Variants in EXOC6B observed in about 807,000 individuals in gnomAD.
EXOC6B encodes the protein SEC15 homolog B.
A neutral mutation model predicts 113.5 loss-of-function variants in EXOC6B; 54 were observed. The observed-to-expected ratio is 0.48, with a 90% CI of 0.38 to 0.60. The LOEUF is 0.60. EXOC6B is among the 20% of genes least tolerant of loss of function. EXOC6B has a pLI of 0.00. For missense variants in EXOC6B, 797 were observed against 977.5 expected, an observed-to-expected ratio of 0.82 and a Z score of 2.46; for synonymous variants, 357 against 339.0, an observed-to-expected ratio of 1.05 and a Z score of -0.58.
intron 20 of EXOC6B, among the ~76,000 whole-genome samples, chr2:72,319,187 T>C (rs189030781): frequency 6.6e-6 from 1 of 151,978 alleles, no homozygotes; most frequent in East Asian, 1.9e-4. Flanking sequence ...TAAATGATGG[T>C]CTGTAAAACT....
chr2:72,185,740 CT>C (rs60868469), intron 20 of EXOC6B, among the ~76,000 whole-genome samples: 236 of 143,634 alleles, frequency 1.6e-3, no homozygotes, highest in East Asian at 4.1e-3. Context: ...GTATTTCTTT[CT>C]TTTTTTTTTT....
intron 19 of EXOC6B, among the ~76,000 whole-genome samples, chr2:72,354,038 A>C (rs1311137264): frequency 6.6e-6 from 1 of 152,214 alleles, no homozygotes; most frequent in Non-Finnish European, 1.5e-5. Context: ...CCTTTTCAAA[A>C]CCATGTATCA....
At chr2:72,674,036 G>C (rs1676104193) in intron 6 of EXOC6B, among the ~76,000 whole-genome samples, 1 of 151,888 alleles carries the variant, frequency 6.6e-6, no homozygotes. Context: ...ATTTGGGGGG[G>C]GTTTCATATT....
intron 6 of EXOC6B, among the ~76,000 whole-genome samples, chr2:72,643,205 T>C (rs1324306333): frequency 1.1e-3 from 168 of 152,020 alleles, no homozygotes; most frequent in African/African-American, 3.1e-3. Context: ...GTCAGTGTGG[T>C]GACTCCTCAG....
chr2:72,330,687 T>A (rs1285298410), intron 20 of EXOC6B, among the ~76,000 whole-genome samples: 3 of 152,106 alleles, frequency 2.0e-5, no homozygotes, highest in Admixed American at 2.0e-4. Context: ...GCATTGTTTA[T>A]ATATGTCTTA....
intron 20 of EXOC6B, among the ~76,000 whole-genome samples, chr2:72,274,013 TAA>T (rs1684665699): frequency 6.6e-6 from 1 of 152,076 alleles, no homozygotes; most frequent in Non-Finnish European, 1.5e-5. Context: ...GACAATATAA[TAA>T]GAGTTCAGCG....
chr2:72,507,109 T>G (rs1700635371), intron 11 of EXOC6B, among the ~76,000 whole-genome samples: 1 of 152,146 alleles, frequency 6.6e-6, no homozygotes, highest in East Asian at 1.9e-4. Context: ...ACTAATAATT[T>G]AATCAGAAAA....
chr2:72,565,984 G>A (rs376257553), intron 7 of EXOC6B, among the ~76,000 whole-genome samples: 12 of 151,142 alleles, frequency 7.9e-5, no homozygotes, highest in East Asian at 1.9e-4. Context: ...CCAACCACAC[G>A]GAAAAAATAG....
intron 7 of EXOC6B, among the ~76,000 whole-genome samples, chr2:72,569,842 G>C (rs567345934): frequency 1.3e-5 from 2 of 152,068 alleles, no homozygotes; most frequent in African/African-American, 2.4e-5. Flanking sequence ...CAAGCAATTT[G>C]ACATAATTAT....
At chr2:72,778,930 C>A (rs1683871557) in intron 1 of EXOC6B, among the ~76,000 whole-genome samples, 1 of 151,984 alleles carries the variant, frequency 6.6e-6, no homozygotes. Context: ...ATAACACATG[C>A]ATGTACCTGT....
At chr2:72,246,817 A>G (rs556271999) in intron 20 of EXOC6B, among the ~76,000 whole-genome samples, 1 of 152,282 alleles carries the variant, frequency 6.6e-6, no homozygotes, top group South Asian at 2.1e-4. Context: ...TATCCTATCT[A>G]TGGAGACAGA....
intron 20 of EXOC6B, among the ~76,000 whole-genome samples, chr2:72,204,791 C>T (rs1345372054): frequency 6.6e-6 from 1 of 151,992 alleles, no homozygotes; most frequent in Non-Finnish European, 1.5e-5. Flanking sequence ...AGGAAGAGGG[C>T]AATGGGTTTG....
At chr2:72,736,129 G>A (rs1486231811) in intron 2 of EXOC6B, among the ~76,000 whole-genome samples, 1 of 150,130 alleles carries the variant, frequency 6.7e-6, no homozygotes, top group Non-Finnish European at 1.5e-5. Context: ...AGTTTGCAGT[G>A]AGCCGAGATC....
intron 8 of EXOC6B, among the ~76,000 whole-genome samples, chr2:72,517,613 TA>T (rs1701282869): frequency 6.6e-6 from 1 of 152,198 alleles, no homozygotes. Flanking sequence ...AGCATAGTAG[TA>T]TTATTAAATC....
chr2:72,781,676 A>G (rs1684045632), intron 1 of EXOC6B, among the ~76,000 whole-genome samples: 1 of 152,132 alleles, frequency 6.6e-6, no homozygotes, highest in South Asian at 2.1e-4. Flanking sequence ...GGTCACTGTG[A>G]CAGAGGAAAA....
At chr2:72,369,685 C>T (rs2105020163) in intron 19 of EXOC6B, among the ~76,000 whole-genome samples, 1 of 152,204 alleles carries the variant, frequency 6.6e-6, no homozygotes, top group East Asian at 1.9e-4. Flanking sequence ...TGGAACAGAA[C>T]AGAGCCCTCA....
chr2:72,795,195 C>T (rs373525695), intron 1 of EXOC6B, among the ~76,000 whole-genome samples: 114 of 152,248 alleles, frequency 7.5e-4, no homozygotes, highest in Non-Finnish European at 1.4e-3. Context: ...CAGGGCTAGA[C>T]TGAAAAGGCC....
At chr2:72,516,192 A>T (rs1212322109) in intron 8 of EXOC6B, among the ~76,000 whole-genome samples, 1 of 152,010 alleles carries the variant, frequency 6.6e-6, no homozygotes, top group East Asian at 1.9e-4. Flanking sequence ...ATGAATACAA[A>T]CTCAGTGTGT....
chr2:72,271,301 A>G (rs538531943), intron 20 of EXOC6B, among the ~76,000 whole-genome samples: 1 of 152,274 alleles, frequency 6.6e-6, no homozygotes, highest in Non-Finnish European at 1.5e-5. Context: ...TGACTACTTG[A>G]GAGTAATAGT....
Sources: gnomAD v4.1 joint callset for allele counts (sites outside exome capture counted in the v4.1 genomes callset) on GRCh38, gnomAD v4.1.1 for gene constraint, MANE v1.5 for transcripts, NCBI Gene and HGNC (gene_info 2026-07-23, HGNC 2026-07-21) for gene names.